Variants in IFT74 observed in about 807,000 individuals in gnomAD.
The protein encoded by IFT74 is intraflagellar transport 74.
Under a neutral mutation model 96.7 loss-of-function variants are expected in IFT74, and 92 were observed. The ratio of observed to expected loss-of-function variants is 0.95; its 90% CI spans 0.80 to 1.13. The LOEUF (loss-of-function observed/expected upper bound fraction) is 1.13. IFT74 is among the 50% of genes most tolerant of loss of function. The probability of loss-of-function intolerance (pLI) is 0.00; values close to 1 mark genes in which losing one functional copy is unlikely to be tolerated. For missense variants in IFT74, 811 were observed against 698.2 expected, an observed-to-expected ratio of 1.16 and a Z score of -1.82; for synonymous variants, 223 against 213.2, an observed-to-expected ratio of 1.05 and a Z score of -0.40.
intron 16 of IFT74, among the ~76,000 whole-genome samples, chr9:27,051,819 C>T (rs917822849): frequency 2.6e-5 from 4 of 152,158 alleles, no homozygotes; most frequent in African/African-American, 9.7e-5. Context: ...TATCTGTAGA[C>T]AGACAGATTG....
At chr9:27,011,231 A>ACTCCAG (rs1829053997) in intron 9 of IFT74, among the ~76,000 whole-genome samples, 2 of 152,148 alleles carry the variant, frequency 1.3e-5, no homozygotes, top group African/African-American at 4.8e-5. Flanking sequence ...CAGCCTGGGC[A>ACTCCAG]ACAGAGCGAG....
intron 13 of IFT74, among the ~76,000 whole-genome samples, chr9:27,029,665 C>T (rs1489881523): frequency 6.6e-6 from 1 of 152,204 alleles, no homozygotes; most frequent in Admixed American, 6.6e-5. Flanking sequence ...AGGAGAATCA[C>T]TTGAACTCGG....
Position 27,055,679 on chromosome 9 carries a change from T to C in IFT74, c.1404T>C (p.His468=), listed in dbSNP as rs1820129044. Residue 468 remains histidine (H), a synonymous_variant, in exon 17 of 20, where the codon CAT becomes CAC. Transcript: ENST00000380062. ...LLESKMTEEQ[H]SLKSKIKQMT... Reference sequence around the variant, plus strand: ...AAAGTAAGATGACTGAAGAACAGCATTCTCTAAAAAGCAAAATTAAGCAAA... The same window carrying C: ...AAAGTAAGATGACTGAAGAACAGCACTCTCTAAAAAGCAAAATTAAGCAAA... 6.3e-7 allele frequency: 1 copy of C among 1,593,442 alleles called. No individual in the cohort carries two copies.
intron 14 of IFT74, among the ~76,000 whole-genome samples, chr9:27,046,749 CTTATAT>C: frequency 6.6e-6 from 1 of 152,160 alleles, no homozygotes; most frequent in African/African-American, 2.4e-5. Flanking sequence ...TTCTTTTGAG[CTTATAT>C]TTATAACTTT....
At chr9:26,997,626 G>C in intron 8 of IFT74, 2 of 1,257,078 alleles carry the variant, frequency 1.6e-6, no homozygotes, top group African/African-American at 3.0e-5. Context: ...GAGCCACTGC[G>C]CCTGGCTGCT....
chr9:27,021,870 G>A (rs750103818), intron 12 of IFT74, among the ~76,000 whole-genome samples: 1 of 152,098 alleles, frequency 6.6e-6, no homozygotes, highest in Non-Finnish European at 1.5e-5. Flanking sequence ...TGTTGCATTT[G>A]CTTTTAGGTT....
At chr9:27,045,096 C>T (rs567830400) in intron 14 of IFT74, among the ~76,000 whole-genome samples, 3 of 152,278 alleles carry the variant, frequency 2.0e-5, no homozygotes, top group South Asian at 2.1e-4. Flanking sequence ...GGCTGCAGAC[C>T]GGTAGGAACC....
chr9:27,050,005 A>G (rs1445186100), intron 16 of IFT74, among the ~76,000 whole-genome samples: 1 of 152,174 alleles, frequency 6.6e-6, no homozygotes, highest in African/African-American at 2.4e-5. Flanking sequence ...AAAATGATCA[A>G]AGAGATATTT....
intron 9 of IFT74, among the ~76,000 whole-genome samples, chr9:27,010,899 A>G (rs1829035925): frequency 6.6e-6 from 1 of 152,216 alleles, no homozygotes; most frequent in Non-Finnish European, 1.5e-5. Flanking sequence ...TCATGCCCAG[A>G]TGGCCCTTAA....
In IFT74 at chr9:27,056,458, A is replaced by G; in HGVS notation, c.1622A>G (p.Gln541Arg). 9 of 1,590,336 alleles carry G rather than the reference A, an allele frequency of 5.7e-6. No homozygotes were observed. The highest frequency in any genetic ancestry group is 1.2e-5 in the South Asian group (1 of 86,044). ...TTGCAAGAAAATGAGACACATTCTCAGGTAAAAAATGTTTTAAATGACTTT... is the reference window on the plus strand; with the variant it reads ...TTGCAAGAAAATGAGACACATTCTCGGGTAAAAAATGTTTTAAATGACTTT... ...TQLQENETHS[Q>R]LTNLERKWQH... The change falls in exon 18 of 20, where the codon CAG becomes CGG. Residue 541 changes from glutamine to arginine, a missense_variant and splice_region_variant. By Grantham distance (43) the Gln-to-Arg change is conservative. Coordinates refer to ENST00000380062, the MANE Select transcript of IFT74 (RefSeq NM_025103.4).
chr9:27,025,443 C>CAAAAAAAAA (rs57335230), intron 12 of IFT74, among the ~76,000 whole-genome samples: 11 of 77,698 alleles, frequency 1.4e-4, no homozygotes, highest in East Asian at 3.4e-4. Context: ...ACTCCATCTC[C>CAAAAAAAAA]AAAAAAAAAA....
intron 1 of IFT74, among the ~76,000 whole-genome samples, chr9:26,949,022 C>T (rs1437159517): frequency 1.3e-5 from 2 of 151,930 alleles, no homozygotes; most frequent in Non-Finnish European, 2.9e-5. Context: ...TTTCTAGTTC[C>T]TCTGGGGAAC....
At chr9:27,044,229 C>T (rs1819596383) in intron 13 of IFT74, among the ~76,000 whole-genome samples, 3 of 152,202 alleles carry the variant, frequency 2.0e-5, no homozygotes, top group Admixed American at 2.0e-4. Flanking sequence ...CTTTATAATA[C>T]AACTTAAATA....
At chr9:27,031,791 AAAATG>A (rs1339427502) in intron 13 of IFT74, among the ~76,000 whole-genome samples, 211 of 147,006 alleles carry the variant, frequency 1.4e-3, no homozygotes, top group African/African-American at 4.7e-3. Context: ...TAAATAAAAT[AAAATG>A]TAAAATAAAA....
chr9:26,995,529 C>T, intron 8 of IFT74: 1 of 1,535,886 alleles, frequency 6.5e-7, no homozygotes, highest in East Asian at 2.3e-5. Context: ...AATTAATTTT[C>T]TTCACATAAT....
At position 27,044,789 on chromosome 9, in the gene IFT74, A is replaced by G. The variant is rs1327165551; in HGVS notation, c.1102A>G (p.Met368Val). 2.6e-6 allele frequency: 4 copies of G among 1,519,170 alleles called. No homozygotes were observed. The highest frequency in any genetic ancestry group is 2.3e-5 in the East Asian group (1 of 44,156). The allele number at this position is 1,519,170 out of a possible 1,614,324, so 94.1% of individuals were successfully genotyped here. A position where few individuals can be genotyped will look rare whatever the true frequency, so the allele number is the denominator to read the frequency against. The change falls in exon 14 of 20, where the codon ATG (methionine) becomes GTG (valine). Residue 368 changes from methionine (M) to valine (V), a missense_variant. Coordinates refer to ENST00000380062, the MANE Select transcript of IFT74 (RefSeq NM_025103.4). Reference protein sequence around the residue: ...YKELKKREEHMDTFIETFEET... With the variant: ...YKELKKREEHVDTFIETFEET... ...GGAGCTAAAGAAAAGGGAGGAACAT[A>G]TGGACAGTAAGTGATATTCTTGTAG...
At chr9:27,000,610 C>T (rs1034556009) in intron 8 of IFT74, among the ~76,000 whole-genome samples, 15 of 152,068 alleles carry the variant, frequency 9.9e-5, no homozygotes, top group African/African-American at 2.4e-4. Context: ...ATATCCAACA[C>T]GTTAAATATT....
intron 2 of IFT74, among the ~76,000 whole-genome samples, chr9:26,972,697 A>G (rs555523311): frequency 1.3e-5 from 2 of 152,230 alleles, no homozygotes; most frequent in South Asian, 2.1e-4. Flanking sequence ...AATTAATCCT[A>G]AAAATTTTTT....
intron 2 of IFT74, among the ~76,000 whole-genome samples, chr9:26,964,266 A>G (rs1427841858): frequency 6.9e-6 from 1 of 144,284 alleles, no homozygotes; most frequent in Non-Finnish European, 1.5e-5. Context: ...CAAAGATCAG[A>G]TAGTTGTAGA....
Sources: allele counts gnomAD v4.1 joint callset (sites outside exome capture counted in the v4.1 genomes callset), GRCh38; gene constraint gnomAD v4.1.1; transcripts MANE v1.5; gene names NCBI Gene and HGNC (gene_info 2026-07-23, HGNC 2026-07-21).